RHOU: variants seen among roughly 807,000 people sequenced by gnomAD.
RHOU encodes the protein ras homolog family member U.
A neutral mutation model predicts 12.6 loss-of-function variants in RHOU; 8 were observed. That is an observed-to-expected ratio of 0.64 (90% CI 0.37 to 1.15). The LOEUF (loss-of-function observed/expected upper bound fraction) is 1.15, where lower values mean the gene tolerates loss of function less well. Ranked by LOEUF, RHOU falls within the 50% of genes most tolerant of loss-of-function variation. The pLI, the probability that RHOU is intolerant of heterozygous loss-of-function variation, is 0.01. For synonymous variants in RHOU, 161 were observed against 147.4 expected (o/e 1.09, Z -0.67); for missense variants, 258 against 347.0 (o/e 0.74, Z 2.04).
At chr1:228,718,116 T>A in the RHOU span, among the ~76,000 whole-genome samples, 1 of 152,138 alleles carries the variant, frequency 6.6e-6, no homozygotes, top group African/African-American at 2.4e-5. Context: ...GAGATCATAA[T>A]GAGAACCTGG....
chr1:228,652,877 G>C, the RHOU span, among the ~76,000 whole-genome samples: 1 of 152,110 alleles, frequency 6.6e-6, no homozygotes, highest in Non-Finnish European at 1.5e-5. Context: ...TCAGCAATTT[G>C]ATAAAGCATA....
chr1:228,720,842 C>T, the RHOU span, among the ~76,000 whole-genome samples: 1 of 152,150 alleles, frequency 6.6e-6, no homozygotes, highest in Non-Finnish European at 1.5e-5. Flanking sequence ...CCTCTGACCA[C>T]GAAGTCATCT....
chr1:228,729,005 TC>T, the RHOU span, among the ~76,000 whole-genome samples: 4 of 151,958 alleles, frequency 2.6e-5, no homozygotes, highest in Non-Finnish European at 5.9e-5. Flanking sequence ...AAGCGATTCT[TC>T]TACCTTAGTC....
the RHOU span, among the ~76,000 whole-genome samples, chr1:228,707,253 A>AGTG: frequency 6.3e-3 from 488 of 77,110 alleles, 4 homozygotes; most frequent in East Asian, 0.044. Flanking sequence ...ATATATATAT[A>AGTG]TAGTGTGTGT....
chr1:228,675,433 G>A, the RHOU span, among the ~76,000 whole-genome samples: 1 of 152,078 alleles, frequency 6.6e-6, no homozygotes, highest in Non-Finnish European at 1.5e-5. Flanking sequence ...AGACACAAAA[G>A]CTATTGGGAT....
At chr1:228,701,084 G>A in the RHOU span, among the ~76,000 whole-genome samples, 1 of 152,046 alleles carries the variant, frequency 6.6e-6, no homozygotes, top group Non-Finnish European at 1.5e-5. Context: ...GTGAGAGCCT[G>A]TTTCGAAAAA....
the RHOU span, among the ~76,000 whole-genome samples, chr1:228,693,473 A>AT: frequency 3.9e-4 from 59 of 149,520 alleles, no homozygotes; most frequent in East Asian, 1.2e-3. Context: ...CAGGTTAATA[A>AT]TTTTTTTTTT....
chr1:228,654,712 C>T, the RHOU span, among the ~76,000 whole-genome samples: 1 of 152,192 alleles, frequency 6.6e-6, no homozygotes, highest in African/African-American at 2.4e-5. Context: ...TCTAAGAAAT[C>T]CTTTAGTGCA....
the RHOU span, among the ~76,000 whole-genome samples, chr1:228,646,869 GAGAGATAGAA>G: frequency 6.6e-6 from 1 of 151,980 alleles, no homozygotes; most frequent in Non-Finnish European, 1.5e-5. Context: ...AAGATGGATG[GAGAGATAGAA>G]ACCGAGGGAG....
At position 228,737,004 on chromosome 1, in the gene RHOU, G is replaced by C. The variant is rs1468222749; in HGVS notation, c.263-669G>C. 7.0e-6 allele frequency among the ~76,000 whole-genome samples: 1 copy of C among 142,500 alleles called. No individual in the cohort carries two copies. The highest frequency in any genetic ancestry group is 1.5e-5 in the Non-Finnish European group (1 of 66,976). 93.5% of individuals were successfully genotyped at this position (142,500 alleles called of 152,430 possible). A position where few individuals can be genotyped will look rare whatever the true frequency, so the allele number is the denominator to read the frequency against. On this transcript the variant is annotated intron_variant, in intron 1 of 2. Transcript: ENST00000366691. This position sits in a 1 kb window ranked among gnomAD's most constrained non-coding sequence, Gnocchi z 4.1. ...AAACAATTAGAAAGTTGTGTAGAAA[G>C]AGACAAAACTGACTGCTTAATTAAA...
At chr1:228,725,774 T>C in the RHOU span, among the ~76,000 whole-genome samples, 9 of 152,212 alleles carry the variant, frequency 5.9e-5, no homozygotes, top group African/African-American at 1.7e-4. Flanking sequence ...AATTTTAGAA[T>C]TGGAGAAAAC....
rs770737204 is a variant in RHOU at position 228,743,398 on chromosome 1, G to A, written c.435G>A (p.Pro145=). The A allele has an allele frequency of 2.0e-5, 32 of 1,614,038 alleles. No homozygotes were observed. Among genetic ancestry groups the A allele is most frequent in the African/African-American group, 2.7e-5 (2 of 74,894 alleles). ...AGAACGTCAGTGAGAAATGGGTGCC[G>A]GAGATTCGATGCCACTGTCCCAAAG... is the stretch of plus-strand genomic sequence containing the variant. ...SFQNVSEKWV[P]EIRCHCPKAP... is the part of the protein sequence containing the mutation. The change falls in exon 3 of 3, where the codon CCG becomes CCA. Residue 145 remains proline, a synonymous_variant. Coordinates refer to ENST00000366691, the MANE Select transcript of RHOU (RefSeq NM_021205.6). The surrounding 1 kb of genome is among the most constrained non-coding windows in gnomAD (Gnocchi z 5.1).
the RHOU span, among the ~76,000 whole-genome samples, chr1:228,696,222 G>C: frequency 2.7e-5 from 4 of 149,298 alleles, no homozygotes; most frequent in East Asian, 3.9e-4. Flanking sequence ...GTATATGAAA[G>C]GTATACAATT....
chr1:228,724,223 A>T, the RHOU span, among the ~76,000 whole-genome samples: 14 of 152,186 alleles, frequency 9.2e-5, no homozygotes, highest in African/African-American at 3.4e-4. Context: ...AATCAATGCA[A>T]ATCCTGCTAC....
the RHOU span, among the ~76,000 whole-genome samples, chr1:228,713,759 C>A: frequency 3.3e-5 from 5 of 152,168 alleles, no homozygotes; most frequent in African/African-American, 1.2e-4. Flanking sequence ...GAAGCATGGG[C>A]AAAACAACCT....
In RHOU at chr1:228,735,804, C is replaced by G. The variant is rs1395887948; in HGVS notation, c.62C>G (p.Pro21Arg). The G allele has an allele frequency of 8.2e-7, 1 of 1,219,064 alleles. No homozygotes were observed. The highest frequency in any genetic ancestry group is 1.0e-6 in the Non-Finnish European group (1 of 981,064). 75.5% of individuals were successfully genotyped at this position (1,219,064 alleles called of 1,614,324 possible). A position where few individuals can be genotyped will look rare whatever the true frequency, so the allele number is the denominator to read the frequency against. ...PDRCEAPPVP[P>R]RRERGGRGGR... Reference sequence around the variant, plus strand: ...CGCTGCGAGGCGCCTCCGGTGCCGCCGCGTCGGGAGCGCGGTGGACGCGGG... The same window carrying G: ...CGCTGCGAGGCGCCTCCGGTGCCGCGGCGTCGGGAGCGCGGTGGACGCGGG... Residue 21 changes from proline (P) to arginine (R), a missense_variant, in exon 1 of 3, where the codon CCG becomes CGG. By Grantham distance (103) the Pro-to-Arg change is moderately radical (BLOSUM62 -2). Transcript: ENST00000366691. The surrounding 1 kb of genome is among the most constrained non-coding windows in gnomAD (Gnocchi z 8.1).
chr1:228,743,920 T>C lies in RHOU; in HGVS notation c.*180T>C, dbSNP rs1662774905. ...CTTTAATTTTCTTGTTTGTTTGAGC[T>C]TAGGGATGAGATACTTATGCAAGAT... On this transcript the variant is annotated 3_prime_UTR_variant, in exon 3 of 3. Coordinates refer to ENST00000366691, the MANE Select transcript of RHOU (RefSeq NM_021205.6). The surrounding 1 kb of genome is among the most constrained non-coding windows in gnomAD (Gnocchi z 5.1). 7 of 580,228 alleles carry C rather than the reference T, an allele frequency of 1.2e-5. 1 individual carries two copies. In the South Asian group the frequency reaches 1.9e-4, roughly 16 times the overall value. 35.9% of individuals were successfully genotyped at this position (580,228 alleles called of 1,614,324 possible).
At chr1:228,729,006 C>T in the RHOU span, among the ~76,000 whole-genome samples, 75 of 151,802 alleles carry the variant, frequency 4.9e-4, no homozygotes, top group African/African-American at 1.8e-3. Context: ...AGCGATTCTT[C>T]TACCTTAGTC....
chr1:228,651,392 G>T, the RHOU span: 639 of 156,162 alleles, frequency 4.1e-3, 2 homozygotes, highest in African/African-American at 0.014. Flanking sequence ...CTGGGATAGA[G>T]GAACAAGCCC....
Sources: allele counts gnomAD v4.1 joint callset (sites outside exome capture counted in the v4.1 genomes callset), GRCh38; gene constraint gnomAD v4.1.1; non-coding constraint Gnocchi (gnomAD v3.1); transcripts MANE v1.5; gene names NCBI Gene and HGNC (gene_info 2026-07-23, HGNC 2026-07-21).